The following GPHN variants were observed in gnomAD, a reference collection of about 807,000 sequenced individuals.
The protein encoded by GPHN is gephyrin.
A neutral mutation model predicts 95.5 loss-of-function variants in GPHN; 17 were observed. That is an observed-to-expected ratio of 0.18 (90% CI 0.12 to 0.27). GPHN has a LOEUF of 0.27. GPHN is among the 10% of genes least tolerant of loss of function. The probability of loss-of-function intolerance (pLI) is 1.00; values close to 1 mark genes in which losing one functional copy is unlikely to be tolerated. For synonymous variants in GPHN, 320 were observed against 322.5 expected (o/e 0.99, Z 0.08); for missense variants, 660 against 978.1 (o/e 0.67, Z 4.34).
the GPHN span, chr14:67,588,639 A>G: frequency 3.9e-5 from 6 of 152,232 alleles, no homozygotes; most frequent in Non-Finnish European, 8.8e-5. Flanking sequence ...GAAAGAGTTC[A>G]TACTCTGATT....
At chr14:67,618,273 T>C in the GPHN span, among the ~76,000 whole-genome samples, 1,027 of 152,316 alleles carry the variant, frequency 6.7e-3, 9 homozygotes, top group Non-Finnish European at 7.7e-3. Context: ...CTAGAGTTAC[T>C]GATTCTGTAA....
At chr14:67,602,414 C>G in the GPHN span, among the ~76,000 whole-genome samples, 1 of 152,134 alleles carries the variant, frequency 6.6e-6, no homozygotes, top group Non-Finnish European at 1.5e-5. Flanking sequence ...GCACAGAGAG[C>G]CGAACCATAT....
Position 66,785,733 on chromosome 14 carries a change from C to CAA in GPHN, c.201+9223_201+9224dup, listed in dbSNP as rs1389067552. On this transcript the variant is annotated intron_variant, in intron 3 of 22. Coordinates refer to ENST00000478722, the MANE Select transcript of GPHN (RefSeq NM_020806.5). ...AACCAAAAAAAAACCAAAAAACAAA[C>CAA]AAAAAAAAAAAACAGAAAAATATCA... Among the ~76,000 whole-genome samples, 41 of 106,910 alleles carry CAA rather than the reference C, an allele frequency of 3.8e-4. No individual in the cohort carries two copies. The East Asian group carries it at 8.6e-3, about 22-fold the overall frequency. 70.1% of individuals were successfully genotyped at this position (106,910 alleles called of 152,430 possible). A position where few individuals can be genotyped will look rare whatever the true frequency, so the allele number is the denominator to read the frequency against.
chr14:66,786,269 C>G (rs552332126), intron 3 of GPHN, among the ~76,000 whole-genome samples: 46 of 152,156 alleles, frequency 3.0e-4, no homozygotes, highest in South Asian at 1.0e-3. Context: ...ACTTCATACT[C>G]ATAAATTGTA....
At chr14:66,596,975 C>T (rs1270137773) in intron 1 of GPHN, among the ~76,000 whole-genome samples, 1 of 152,144 alleles carries the variant, frequency 6.6e-6, no homozygotes, top group African/African-American at 2.4e-5. Context: ...GCCTTCAGTC[C>T]CTGCTCTGAA....
chr14:67,674,298 G>A, the GPHN span: 1 of 1,356,938 alleles, frequency 7.4e-7, no homozygotes, highest in Non-Finnish European at 9.9e-7. Context: ...GCCCGGGTCT[G>A]GGAGGAAGGT....
intron 17 of GPHN, among the ~76,000 whole-genome samples, chr14:67,128,409 A>G (rs1004118794): frequency 1.3e-5 from 2 of 152,060 alleles, no homozygotes; most frequent in African/African-American, 4.8e-5. Context: ...GACACCCACC[A>G]CCGTGCCCGG....
At chr14:66,800,728 A>G (rs771659361) in intron 3 of GPHN, among the ~76,000 whole-genome samples, 11 of 152,006 alleles carry the variant, frequency 7.2e-5, no homozygotes, top group Non-Finnish European at 1.5e-4. Flanking sequence ...ATGGCTATTG[A>G]TATCTTTCTC....
intron 4 of GPHN, among the ~76,000 whole-genome samples, chr14:66,828,602 G>A (rs990518739): frequency 3.3e-5 from 5 of 152,014 alleles, no homozygotes; most frequent in Non-Finnish European, 5.9e-5. Flanking sequence ...ATGATTGTCA[G>A]TAATTAGCTT....
At chr14:67,443,829 C>G in the GPHN span, among the ~76,000 whole-genome samples, 1 of 152,200 alleles carries the variant, frequency 6.6e-6, no homozygotes, top group South Asian at 2.1e-4. Context: ...AGCCTCTCGT[C>G]CTGGATGGGA....
At chr14:67,079,650 C>T (rs1447813235) in intron 11 of GPHN, among the ~76,000 whole-genome samples, 1 of 151,996 alleles carries the variant, frequency 6.6e-6, no homozygotes, top group Non-Finnish European at 1.5e-5. Flanking sequence ...ATCATCTTAA[C>T]CATTTTTAAG....
At chr14:66,527,326 A>G (rs2058731349) in intron 1 of GPHN, among the ~76,000 whole-genome samples, 1 of 148,456 alleles carries the variant, frequency 6.7e-6, no homozygotes, top group Non-Finnish European at 1.5e-5. Context: ...TATCCCCTTT[A>G]TCCCCTATTT....
chr14:66,884,305 A>G (rs1396427320), intron 5 of GPHN, among the ~76,000 whole-genome samples: 1 of 152,074 alleles, frequency 6.6e-6, no homozygotes, highest in Non-Finnish European at 1.5e-5. Flanking sequence ...GCCTGCTATT[A>G]TTTACATTAA....
the GPHN span, among the ~76,000 whole-genome samples, chr14:67,706,713 C>T: frequency 6.6e-6 from 1 of 152,098 alleles, no homozygotes; most frequent in South Asian, 2.1e-4. Flanking sequence ...TTGAATTTTC[C>T]CTTTGGCTTT....
the GPHN span, chr14:67,321,191 A>G: frequency 6.2e-7 from 1 of 1,614,236 alleles, no homozygotes; most frequent in Non-Finnish European, 8.5e-7. Flanking sequence ...TTTGTATGGA[A>G]CTAGCATAGA....
chr14:67,557,473 GC>G, the GPHN span: 2 of 1,553,878 alleles, frequency 1.3e-6, no homozygotes, highest in Non-Finnish European at 1.8e-6. Context: ...TGTACTGCTG[GC>G]CCCCAGCTTC....
At chr14:66,697,647 C>A (rs1464807863) in intron 2 of GPHN, among the ~76,000 whole-genome samples, 2 of 146,846 alleles carry the variant, frequency 1.4e-5, no homozygotes, top group African/African-American at 2.5e-5. Flanking sequence ...CAGGTCAAAT[C>A]TGGCCTGCTA....
At chr14:66,753,686 T>C (rs2058454403) in intron 2 of GPHN, among the ~76,000 whole-genome samples, 1 of 152,134 alleles carries the variant, frequency 6.6e-6, no homozygotes. Flanking sequence ...ATAAAACGAA[T>C]ATAATTTATA....
At chr14:66,753,111 T>A (rs1019707631) in intron 2 of GPHN, among the ~76,000 whole-genome samples, 1 of 152,086 alleles carries the variant, frequency 6.6e-6, no homozygotes, top group African/African-American at 2.4e-5. Flanking sequence ...CAAAGCCCTT[T>A]GCCATATAAT....
Sources: gnomAD v4.1 joint callset for allele counts (sites outside exome capture counted in the v4.1 genomes callset) on GRCh38, gnomAD v4.1.1 for gene constraint, MANE v1.5 for transcripts, NCBI Gene and HGNC (gene_info 2026-07-23, HGNC 2026-07-21) for gene names.